TAS1R1: variants seen among roughly 807,000 people sequenced by gnomAD.
TAS1R1 encodes the protein taste 1 receptor member 1, also known as taste receptor type 1 member 1.
TAS1R1 carries 31 observed loss-of-function variants against 45.8 expected under a neutral mutation model. The observed-to-expected ratio is 0.68, with a 90% CI of 0.51 to 0.91. The LOEUF (loss-of-function observed/expected upper bound fraction) is 0.91, where lower values mean the gene tolerates loss of function less well. Among genes scored for constraint, TAS1R1 ranks in the 40% least tolerant of loss-of-function variants. The pLI, the probability that TAS1R1 is intolerant of heterozygous loss-of-function variation, is 0.00. For missense variants in TAS1R1, 1,051 were observed against 1,063.9 expected (o/e 0.99, Z 0.17); for synonymous variants, 437 against 448.4 (o/e 0.97, Z 0.32).
Position 6,579,311 on chromosome 1 carries a change from C to T in TAS1R1, c.2253C>T (p.Asp751=). 1 of 1,614,236 alleles carries T rather than the reference C, an allele frequency of 6.2e-7. No individual in the cohort carries two copies. The highest frequency in any genetic ancestry group is 8.5e-7 in the Non-Finnish European group (1 of 1,180,048). Residue 751 remains aspartate (D), a synonymous_variant, in exon 6 of 6, where the codon GAC becomes GAT. Transcript: ENST00000333172. ...SAFACSYLGK[D]LPENYNEAKC... is the part of the protein sequence containing the mutation. Reference sequence around the variant, plus strand: ...TTGCCTGCAGCTACCTGGGTAAGGACTTGCCAGAGAACTACAACGAGGCCA... The same window carrying T: ...TTGCCTGCAGCTACCTGGGTAAGGATTTGCCAGAGAACTACAACGAGGCCA...
At chr1:6,559,422 C>T (rs1301474394) in intron 1 of TAS1R1, among the ~76,000 whole-genome samples, 1 of 151,954 alleles carries the variant, frequency 6.6e-6, no homozygotes, top group African/African-American at 2.4e-5. Context: ...CTTTGGGAGG[C>T]TGAGGTGGGT....
Position 6,575,062 on chromosome 1 carries a change from T to C in TAS1R1, c.930T>C (p.Thr310=), listed in dbSNP as rs764601042. ...SEAWALSRHI[T]GVPGIQRIGM... Reference sequence around the variant, plus strand: ...CCTGGGCCCTCTCCAGGCACATCACTGGGGTGCCCGGGATCCAGCGCATTG... The same window carrying C: ...CCTGGGCCCTCTCCAGGCACATCACCGGGGTGCCCGGGATCCAGCGCATTG... Residue 310 remains threonine (T), a synonymous_variant, in exon 3 of 6, where the codon ACT becomes ACC. Coordinates refer to ENST00000333172, the MANE Select transcript of TAS1R1 (RefSeq NM_138697.4). 12 of 1,589,090 alleles carry C rather than the reference T, an allele frequency of 7.6e-6. No homozygotes were observed. In the South Asian group the frequency reaches 1.3e-4, roughly 17 times the overall value.
At chr1:6,560,507 G>A (rs1033910411) in intron 1 of TAS1R1, among the ~76,000 whole-genome samples, 1 of 152,238 alleles carries the variant, frequency 6.6e-6, no homozygotes, top group African/African-American at 2.4e-5. Context: ...AACAGCTGGG[G>A]AACATCTGCC....
chr1:6,577,160 C>A, intron 5 of TAS1R1, 90 bp downstream of exon 5: 1 of 1,552,698 alleles, frequency 6.4e-7, no homozygotes, highest in Non-Finnish European at 8.7e-7. Context: ...ATGTGCCCTG[C>A]CCCAGAACCA....
At position 6,571,132 on chromosome 1, in the gene TAS1R1, A is replaced by G. The variant is rs376414342; in HGVS notation, c.415A>G (p.Thr139Ala). ...LQGDLLHYSP[T>A]VLAVIGPDST... ...AGGAGACCTTCTCCACTATTCCCCT[A>G]CGGTGCTGGCAGTGATTGGGCCTGA... The change falls in exon 2 of 6, where the codon ACG becomes GCG. Residue 139 changes from threonine (T) to alanine (A), a missense_variant. Coordinates refer to ENST00000333172, the MANE Select transcript of TAS1R1 (RefSeq NM_138697.4). The G allele has an allele frequency of 3.7e-6, 6 of 1,612,934 alleles. No homozygotes were observed. In the African/African-American group the frequency reaches 5.3e-5, roughly 14 times the overall value.
intron 4 of TAS1R1, among the ~76,000 whole-genome samples, 158 bp downstream of exon 4, chr1:6,576,785 C>T (rs1014462657): frequency 1.3e-5 from 2 of 152,258 alleles, no homozygotes; most frequent in Admixed American, 6.5e-5. Context: ...GAAGACACTC[C>T]GTAGGCGAGT....
Position 6,574,549 on chromosome 1 carries a change from T to C in TAS1R1, c.499-82T>C, listed in dbSNP as rs1410170840. 2 of 1,501,178 alleles carry C rather than the reference T, an allele frequency of 1.3e-6. No individual in the cohort carries two copies. The highest frequency in any genetic ancestry group is 8.9e-7 in the Non-Finnish European group (1 of 1,123,028). 93.0% of individuals were successfully genotyped at this position (1,501,178 alleles called of 1,614,324 possible). On this transcript the variant is annotated intron_variant, in intron 2 of 5. Transcript: ENST00000333172. This position sits in a 1 kb window ranked among gnomAD's most constrained non-coding sequence, Gnocchi z 4.3. ...TGCTCTCCTGGTCTCCCCGGCTCCC[T>C]GTATCCCCACACCCAGCACAGGGCC...
At chr1:6,576,376 T>G (rs775179588) in intron 3 of TAS1R1, 39 bp from the exon 4 acceptor site, 37 of 1,606,780 alleles carry the variant, frequency 2.3e-5, no homozygotes, top group Non-Finnish European at 3.2e-5. Flanking sequence ...TGTGGGTCTG[T>G]GCTGTCTGTG....
Position 6,578,976 on chromosome 1 carries a change from C to G in TAS1R1, c.1918C>G (p.Leu640Val). 1 of 1,614,170 alleles carries G rather than the reference C, an allele frequency of 6.2e-7. No homozygotes were observed. Among genetic ancestry groups the G allele is most frequent in the Non-Finnish European group, 8.5e-7 (1 of 1,180,012 alleles). Reference protein sequence around the residue: ...ACLLRQALFALGFTIFLSCLT... With the variant: ...ACLLRQALFAVGFTIFLSCLT... ...CTTGCTACGCCAGGCCCTCTTTGCC[C>G]TTGGTTTCACCATCTTCCTGTCCTG... Residue 640 changes from leucine to valine, a missense_variant, in exon 6 of 6, where the codon CTT becomes GTT. Coordinates refer to ENST00000333172, the MANE Select transcript of TAS1R1 (RefSeq NM_138697.4).
intron 2 of TAS1R1, among the ~76,000 whole-genome samples, chr1:6,572,068 C>T (rs1640031961): frequency 6.6e-6 from 1 of 152,102 alleles, no homozygotes; most frequent in Non-Finnish European, 1.5e-5. Context: ...CCTCATTCCT[C>T]TCCCTCTTCC....
chr1:6,555,473 C>T lies in TAS1R1; in HGVS notation c.100C>T (p.Leu34Phe), dbSNP rs867755137. 6.3e-7 allele frequency: 1 copy of T among 1,597,330 alleles called. No homozygotes were observed. The change falls in exon 1 of 6, where the codon CTC (leucine) becomes TTC (phenylalanine). Residue 34 changes from leucine to phenylalanine, a missense_variant. By Grantham distance (22) the Leu-to-Phe change is conservative. Coordinates refer to ENST00000333172, the MANE Select transcript of TAS1R1 (RefSeq NM_138697.4). ...CACGGAGTCTTCTCCTGACTTCACC[C>T]TCCCCGGAGATTACCTCCTGGCAGG... ...HSTESSPDFT[L>F]PGDYLLAGLF... is the part of the protein sequence containing the mutation.
At chr1:6,576,751 A>C in intron 4 of TAS1R1, 124 bp downstream of exon 4, 1 of 1,377,064 alleles carries the variant, frequency 7.3e-7, no homozygotes. Context: ...CCACCACTCT[A>C]CCCATCCTGG....
chr1:6,575,377 A>G lies in TAS1R1; in HGVS notation c.1245A>G (p.Arg415=), dbSNP rs763556342. ...CCTCTGGAGCTTGTTCCAGGGGCCG[A>G]GTCTACCCCTGGCAGGTAAGAGAGC... ...GCASGACSRG[R]VYPWQLLEQI... The change falls in exon 3 of 6, where the codon CGA becomes CGG. Residue 415 remains arginine, a synonymous_variant. Coordinates refer to ENST00000333172, the MANE Select transcript of TAS1R1 (RefSeq NM_138697.4). The G allele has an allele frequency of 7.0e-6, 11 of 1,573,576 alleles. No individual in the cohort carries two copies. Among genetic ancestry groups the G allele is most frequent in the Non-Finnish European group, 9.5e-6 (11 of 1,161,626 alleles).
intron 1 of TAS1R1, among the ~76,000 whole-genome samples, chr1:6,564,917 G>A (rs537932932): frequency 9.2e-5 from 14 of 152,016 alleles, no homozygotes; most frequent in African/African-American, 3.4e-4. Flanking sequence ...GTGTAGGGAT[G>A]GGGGGAGCGG....
At chr1:6,570,142 C>G (rs1266224172) in intron 1 of TAS1R1, among the ~76,000 whole-genome samples, 1 of 152,062 alleles carries the variant, frequency 6.6e-6, no homozygotes, top group African/African-American at 2.4e-5. Flanking sequence ...AACGAGTAGA[C>G]CCAAAGTCAG....
rs980594393 is a variant in TAS1R1, at chr1:6,574,133, G to A, written c.499-498G>A. ...AAGTAGCGTGCAACCCAGATCCCTC[G>A]CATGTGCAGTTCACAGTAGGGTTCA... On this transcript the variant is annotated intron_variant, in intron 2 of 5. Transcript: ENST00000333172. The surrounding 1 kb of genome is among the most constrained non-coding windows in gnomAD (Gnocchi z 4.3). Among the ~76,000 whole-genome samples the A allele has an allele frequency of 1.3e-5, 2 of 152,100 alleles. No individual in the cohort carries two copies. The highest frequency in any genetic ancestry group is 2.4e-5 in the African/African-American group (1 of 41,396).
Position 6,566,160 on chromosome 1 carries a change from T to C in TAS1R1, c.192-4749T>C, listed in dbSNP as rs1639869001. ...GGGAAAGGTCTAAGGAGGTGAGGTC[T>C]TGGGCTATGACTTGCCCAAAGAAAT... On this transcript the variant is annotated intron_variant, in intron 1 of 5. Transcript: ENST00000333172. 2.6e-5 allele frequency among the ~76,000 whole-genome samples: 4 copies of C among 152,192 alleles called. No homozygotes were observed. The South Asian group carries it at 8.3e-4, about 31-fold the overall frequency.
intron 1 of TAS1R1, among the ~76,000 whole-genome samples, chr1:6,568,733 T>A (rs1360233423): frequency 6.6e-6 from 1 of 152,140 alleles, no homozygotes; most frequent in Admixed American, 6.5e-5. Context: ...CAGCAGCAGC[T>A]CCTACGGGCT....
intron 4 of TAS1R1, 102 bp from the exon 5 acceptor site, chr1:6,576,848 G>T: frequency 6.3e-7 from 1 of 1,577,164 alleles, no homozygotes; most frequent in Non-Finnish European, 8.7e-7. Flanking sequence ...TGCCCTGGGA[G>T]TGAGCCCTGA....
Sources: gnomAD v4.1 joint callset for allele counts (sites outside exome capture counted in the v4.1 genomes callset) on GRCh38, gnomAD v4.1.1 for gene constraint, Gnocchi (gnomAD v3.1) non-coding constraint, MANE v1.5 for transcripts, NCBI Gene and HGNC (gene_info 2026-07-23, HGNC 2026-07-21) for gene names.